The following CSMD1 variants were observed in gnomAD, a reference collection of about 807,000 sequenced individuals.
CSMD1 encodes CUB and Sushi multiple domains 1.
CSMD1 carries 213 observed loss-of-function variants against 417.5 expected under a neutral mutation model. The observed-to-expected ratio is 0.51, with a 90% CI of 0.46 to 0.57. CSMD1 has a LOEUF of 0.57. Ranked by LOEUF, CSMD1 falls within the 20% of genes least tolerant of loss-of-function variation. CSMD1 has a pLI of 0.00. For missense variants in CSMD1, 6,923 were observed against 4,529.7 expected, an observed-to-expected ratio of 1.53 and a Z score of -15.17; for synonymous variants, 2,862 against 1,736.8, an observed-to-expected ratio of 1.65 and a Z score of -16.11.
chr8:4,305,577 A>G (rs946560371), intron 3 of CSMD1, among the ~76,000 whole-genome samples: 1 of 152,196 alleles, frequency 6.6e-6, no homozygotes. Context: ...AAAGAATGAA[A>G]AAGAGTAAAA....
intron 3 of CSMD1, among the ~76,000 whole-genome samples, chr8:4,076,701 C>A (rs934825803): frequency 6.6e-6 from 1 of 152,188 alleles, no homozygotes; most frequent in African/African-American, 2.4e-5. Context: ...CATATCTTGT[C>A]TTTCACTGCT....
chr8:3,757,488 G>C (rs961316266), intron 5 of CSMD1, among the ~76,000 whole-genome samples: 1 of 152,134 alleles, frequency 6.6e-6, no homozygotes, highest in Admixed American at 6.5e-5. Flanking sequence ...TTAACAATGT[G>C]AAAGCCACTC....
In CSMD1 at chr8:4,526,612, A is replaced by G. The variant is rs371945317; in HGVS notation, c.303-106547T>C. On this transcript the variant is annotated intron_variant, in intron 2 of 69. Transcript: ENST00000635120. The stretch of plus-strand genomic sequence containing the variant: ...AACACTGATCATGTCTCTTTCACCA[A>G]CTTGACATCACTCTTGGGAATTAAC... Among the ~76,000 whole-genome samples, 50 of 152,350 alleles carry G rather than the reference A, an allele frequency of 3.3e-4. 2 individuals carry two copies. In the South Asian group the frequency reaches 0.01, roughly 32 times the overall value.
At chr8:4,848,980 T>G (rs998874578) in intron 1 of CSMD1, among the ~76,000 whole-genome samples, 11 of 152,366 alleles carry the variant, frequency 7.2e-5, no homozygotes, top group African/African-American at 2.4e-4. Flanking sequence ...CTCAGGCAGG[T>G]CCTTCAGGAA....
intron 7 of CSMD1, among the ~76,000 whole-genome samples, chr8:3,679,778 G>T (rs909030746): frequency 6.6e-6 from 1 of 152,088 alleles, no homozygotes; most frequent in Non-Finnish European, 1.5e-5. Flanking sequence ...TGACCACATA[G>T]TTGGAAGTAA....
At chr8:4,440,737 T>C (rs1416658248) in intron 2 of CSMD1, among the ~76,000 whole-genome samples, 2 of 152,154 alleles carry the variant, frequency 1.3e-5, no homozygotes, top group East Asian at 3.9e-4. Flanking sequence ...GGTTCATGCC[T>C]ATAATCCCAG....
chr8:3,429,921 GT>G (rs2117015661), intron 12 of CSMD1, among the ~76,000 whole-genome samples: 1 of 152,066 alleles, frequency 6.6e-6, no homozygotes, highest in East Asian at 1.9e-4. Flanking sequence ...TGGCCACACT[GT>G]CTATTTCTTA....
At chr8:4,593,747 T>C (rs1435951823) in intron 2 of CSMD1, among the ~76,000 whole-genome samples, 1 of 152,196 alleles carries the variant, frequency 6.6e-6, no homozygotes, top group African/African-American at 2.4e-5. Flanking sequence ...CCTAGCTATA[T>C]GCAACATCAT....
rs1248388850 is a variant in CSMD1 at position 3,141,868 on chromosome 8, C to G, written c.6241+597G>C. Among the ~76,000 whole-genome samples the G allele has an allele frequency of 3.3e-4, 50 of 151,026 alleles. 1 individual carries two copies. Among genetic ancestry groups the G allele is most frequent in the Middle Eastern group, 3.4e-3 (1 of 294 alleles). The stretch of plus-strand genomic sequence containing the variant: ...GCTGGAGTGCAGTGGCGCGATCTCT[C>G]CTCACTGCAAGCTCCGCCTCCCGGG... On this transcript the variant is annotated intron_variant, in intron 41 of 69. Transcript: ENST00000635120.
chr8:3,846,776 C>A (rs550649302), intron 5 of CSMD1, among the ~76,000 whole-genome samples: 1 of 152,044 alleles, frequency 6.6e-6, no homozygotes, highest in Non-Finnish European at 1.5e-5. Context: ...CTGGTTCTAG[C>A]GATTCTCCTG....
Position 3,786,983 on chromosome 8 carries a change from T to G in CSMD1, c.819-32941A>C, listed in dbSNP as rs576018247. On this transcript the variant is annotated intron_variant, in intron 5 of 69. Transcript: ENST00000635120. Reference sequence around the variant, plus strand: ...TTCAATCCTCATCATCTAGATTAGATGAGGGCATGGAAGCTGAGGGTCAGG... The same window carrying G: ...TTCAATCCTCATCATCTAGATTAGAGGAGGGCATGGAAGCTGAGGGTCAGG... 8.5e-5 allele frequency among the ~76,000 whole-genome samples: 13 copies of G among 152,274 alleles called. No individual in the cohort carries two copies. The South Asian group carries it at 2.7e-3, about 32-fold the overall frequency.
intron 2 of CSMD1, among the ~76,000 whole-genome samples, chr8:4,559,589 T>A (rs1798239426): frequency 6.6e-6 from 1 of 152,224 alleles, no homozygotes; most frequent in Non-Finnish European, 1.5e-5. Flanking sequence ...CTTACATAAT[T>A]ACCCCAATGT....
chr8:3,998,189 C>G, intron 4 of CSMD1, 79 bp from the exon 5 acceptor site: 6 of 1,261,676 alleles, frequency 4.8e-6, no homozygotes, highest in Non-Finnish European at 5.5e-6. Flanking sequence ...AAGTGTCACT[C>G]TTGATCAGCG....
intron 8 of CSMD1, among the ~76,000 whole-genome samples, chr8:3,611,261 A>T (rs1801879637): frequency 1.4e-5 from 2 of 146,778 alleles, no homozygotes; most frequent in African/African-American, 5.0e-5. Context: ...AAAAAAAAAA[A>T]GAAAGTCCTT....
chr8:3,824,761 G>C (rs1801955602), intron 5 of CSMD1, among the ~76,000 whole-genome samples: 1 of 151,988 alleles, frequency 6.6e-6, no homozygotes, highest in Non-Finnish European at 1.5e-5. Context: ...GCTCACATTG[G>C]TGGCTCACAA....
At chr8:4,928,934 G>C (rs1013452195) in intron 1 of CSMD1, among the ~76,000 whole-genome samples, 29 of 152,076 alleles carry the variant, frequency 1.9e-4, no homozygotes, top group Non-Finnish European at 8.8e-5. Flanking sequence ...AGCCAGGCAG[G>C]TTGGTACATG....
At chr8:3,795,170 C>A (rs1337173635) in intron 5 of CSMD1, among the ~76,000 whole-genome samples, 1 of 81,538 alleles carries the variant, frequency 1.2e-5, no homozygotes, top group South Asian at 4.0e-4. Context: ...AGATACCTAT[C>A]ATGTACAGCT....
At chr8:3,146,822 G>C (rs530612334) in intron 40 of CSMD1, among the ~76,000 whole-genome samples, 10 of 152,272 alleles carry the variant, frequency 6.6e-5, no homozygotes, top group East Asian at 1.9e-4. Context: ...ATTGTGGCTC[G>C]ATCCATGGGA....
chr8:3,795,150 G>A lies in CSMD1; in HGVS notation c.819-41108C>T, dbSNP rs1196746235. The stretch of plus-strand genomic sequence containing the variant: ...ATGTACAGCTATAGATATCTATCAT[G>A]TACAGCTATAGATACCTATCATGTA... On this transcript the variant is annotated intron_variant, in intron 5 of 69. Coordinates refer to ENST00000635120, the MANE Select transcript of CSMD1 (RefSeq NM_033225.6). 7.4e-5 allele frequency among the ~76,000 whole-genome samples: 4 copies of A among 54,310 alleles called. 1 individual carries two copies. The highest frequency in any genetic ancestry group is 6.2e-4 in the Admixed American group (3 of 4,870). 35.6% of individuals were successfully genotyped at this position (54,310 alleles called of 152,430 possible).
Sources: gnomAD v4.1 joint callset for allele counts (sites outside exome capture counted in the v4.1 genomes callset) on GRCh38, gnomAD v4.1.1 for gene constraint, MANE v1.5 for transcripts, NCBI Gene and HGNC (gene_info 2026-07-23, HGNC 2026-07-21) for gene names.